Variants in GALNTL6 observed in about 807,000 individuals in gnomAD.
GALNTL6 encodes the protein polypeptide N-acetylgalactosaminyltransferase-like 6.
GALNTL6 carries 46 observed loss-of-function variants against 73.7 expected under a neutral mutation model. The observed-to-expected ratio is 0.62, with a 90% CI of 0.49 to 0.80. The LOEUF (loss-of-function observed/expected upper bound fraction) is 0.80, where lower values mean the gene tolerates loss of function less well. Ranked by LOEUF, GALNTL6 falls within the 30% of genes least tolerant of loss-of-function variation. The probability of loss-of-function intolerance (pLI) is 0.00; values close to 1 mark genes in which losing one functional copy is unlikely to be tolerated. For synonymous variants in GALNTL6, 259 were observed against 263.7 expected, an observed-to-expected ratio of 0.98 and a Z score of 0.17; for missense variants, 604 against 755.0, an observed-to-expected ratio of 0.80 and a Z score of 2.34.
At chr4:172,879,885 A>G (rs1745370125) in intron 7 of GALNTL6, among the ~76,000 whole-genome samples, 1 of 152,016 alleles carries the variant, frequency 6.6e-6, no homozygotes, top group East Asian at 1.9e-4. Context: ...ACTTACTAGG[A>G]AAAAAGAGAA....
At chr4:172,367,631 C>T (rs1579000131) in intron 5 of GALNTL6, among the ~76,000 whole-genome samples, 1 of 152,270 alleles carries the variant, frequency 6.6e-6, no homozygotes, top group African/African-American at 2.4e-5. Context: ...TCATTCACTT[C>T]TAGTTTTTGG....
intron 10 of GALNTL6, among the ~76,000 whole-genome samples, chr4:172,982,057 A>C (rs563003404): frequency 1.5e-3 from 226 of 152,280 alleles, no homozygotes; most frequent in Middle Eastern, 6.8e-3. Flanking sequence ...GGCCTCCCAA[A>C]GTACTAGAAT....
At position 172,535,934 on chromosome 4, in the gene GALNTL6, A is replaced by C. The variant is rs529921572; in HGVS notation, c.553+187245A>C. On this transcript the variant is annotated intron_variant, in intron 5 of 12. Transcript: ENST00000506823. ...GTGTCCCCACCCAAATTTCATCTTG[A>C]ACTCTAGTTCCCATAAACCCAAGTG... is the stretch of plus-strand genomic sequence containing the variant. 7.9e-5 allele frequency among the ~76,000 whole-genome samples: 12 copies of C among 152,266 alleles called. No homozygotes were observed. The South Asian group carries it at 2.5e-3, about 32-fold the overall frequency.
chr4:171,995,946 A>C (rs13152570), intron 2 of GALNTL6, among the ~76,000 whole-genome samples: 1,854 of 152,188 alleles, frequency 0.012, 43 homozygotes, highest in African/African-American at 0.041. Context: ...ATAAAGAGCC[A>C]ATACTACTGA....
At chr4:172,347,716 C>T (rs1741798855) in intron 4 of GALNTL6, among the ~76,000 whole-genome samples, 1 of 151,934 alleles carries the variant, frequency 6.6e-6, no homozygotes, top group African/African-American at 2.4e-5. Flanking sequence ...TTTTTGTGCC[C>T]ATATCATTAT....
intron 5 of GALNTL6, among the ~76,000 whole-genome samples, chr4:172,622,259 A>C (rs779095084): frequency 3.3e-5 from 5 of 152,210 alleles, no homozygotes; most frequent in Non-Finnish European, 7.3e-5. Flanking sequence ...ATAATTCAAG[A>C]GAATTTGTCA....
intron 7 of GALNTL6, among the ~76,000 whole-genome samples, chr4:172,843,973 C>T (rs1425706774): frequency 2.0e-5 from 3 of 152,078 alleles, no homozygotes; most frequent in South Asian, 2.1e-4. Context: ...GCAGGAGAAT[C>T]GCTTGAACCC....
In GALNTL6 at chr4:172,530,889, A is replaced by C. The variant is rs1735146298; in HGVS notation, c.553+182200A>C. ...TCAGACAACTTACAGAATTATTCTG[A>C]TTGTAAACAATGTTCACAGACAGTC... On this transcript the variant is annotated intron_variant, in intron 5 of 12. Transcript: ENST00000506823. 2.7e-5 allele frequency among the ~76,000 whole-genome samples: 4 copies of C among 148,058 alleles called. No homozygotes were observed. The South Asian group carries it at 8.7e-4, about 32-fold the overall frequency.
chr4:172,075,192 A>T (rs1419645743), intron 2 of GALNTL6, among the ~76,000 whole-genome samples: 1 of 152,112 alleles, frequency 6.6e-6, no homozygotes, highest in Non-Finnish European at 1.5e-5. Flanking sequence ...TATGGGCAAA[A>T]TTTCAAATAA....
chr4:172,036,894 A>T (rs938553957), intron 2 of GALNTL6, among the ~76,000 whole-genome samples: 3 of 152,142 alleles, frequency 2.0e-5, no homozygotes, highest in Admixed American at 1.3e-4. Flanking sequence ...GTCAGCACTG[A>T]AAGTTACCCT....
At chr4:172,640,614 T>A (rs1739928855) in intron 5 of GALNTL6, among the ~76,000 whole-genome samples, 1 of 152,100 alleles carries the variant, frequency 6.6e-6, no homozygotes, top group East Asian at 1.9e-4. Flanking sequence ...CTTCAAATGG[T>A]CTTTTCTCCA....
chr4:172,107,887 G>A (rs1447731181), intron 2 of GALNTL6, among the ~76,000 whole-genome samples: 1 of 152,044 alleles, frequency 6.6e-6, no homozygotes, highest in Non-Finnish European at 1.5e-5. Flanking sequence ...TCATTTCTAA[G>A]TAAATTACAT....
At chr4:172,817,698 A>T (rs1741686977) in intron 7 of GALNTL6, among the ~76,000 whole-genome samples, 1 of 152,206 alleles carries the variant, frequency 6.6e-6, no homozygotes, top group African/African-American at 2.4e-5. Context: ...AAAAGTTTAG[A>T]GTGGGCCCTA....
chr4:172,359,002 A>G (rs1039239612), intron 5 of GALNTL6, among the ~76,000 whole-genome samples: 1 of 152,154 alleles, frequency 6.6e-6, no homozygotes, highest in Non-Finnish European at 1.5e-5. Flanking sequence ...ACACAGAACT[A>G]CTATTTGACT....
chr4:171,970,477 A>G (rs1739535334), intron 2 of GALNTL6, among the ~76,000 whole-genome samples: 1 of 152,236 alleles, frequency 6.6e-6, no homozygotes, highest in Non-Finnish European at 1.5e-5. Context: ...TGCTATGGAC[A>G]TAATGTCTTT....
intron 5 of GALNTL6, among the ~76,000 whole-genome samples, chr4:172,745,929 TGGG>T (rs1737085868): frequency 6.6e-6 from 1 of 152,146 alleles, no homozygotes; most frequent in Non-Finnish European, 1.5e-5. Context: ...CAAAATTTCA[TGGG>T]TTTTGGACTA....
At chr4:171,989,484 G>C (rs372075212) in intron 2 of GALNTL6, among the ~76,000 whole-genome samples, 2 of 152,154 alleles carry the variant, frequency 1.3e-5, no homozygotes, top group African/African-American at 4.8e-5. Flanking sequence ...CCAGATTTCC[G>C]GCACTTGTAG....
At chr4:172,207,028 A>C (rs369020174) in intron 2 of GALNTL6, among the ~76,000 whole-genome samples, 1 of 151,196 alleles carries the variant, frequency 6.6e-6, no homozygotes, top group Non-Finnish European at 1.5e-5. Context: ...CATGTTAGCC[A>C]GGATGATCTC....
chr4:172,287,084 G>T (rs993789643), intron 3 of GALNTL6, among the ~76,000 whole-genome samples: 7 of 152,064 alleles, frequency 4.6e-5, no homozygotes, highest in African/African-American at 7.2e-5. Flanking sequence ...AGCCTTGCAG[G>T]GTGGAAATCC....
Sources: gnomAD v4.1 joint callset for allele counts (sites outside exome capture counted in the v4.1 genomes callset) on GRCh38, gnomAD v4.1.1 for gene constraint, MANE v1.5 for transcripts, NCBI Gene and HGNC (gene_info 2026-07-23, HGNC 2026-07-21) for gene names.